SYT17: variants seen among roughly 807,000 people sequenced by gnomAD.
The protein encoded by SYT17 is synaptotagmin-17.
In SYT17, 22 loss-of-function variants were observed where a neutral mutation model predicts 46.7. The observed-to-expected ratio is 0.47, with a 90% CI of 0.34 to 0.67. SYT17 has a LOEUF of 0.67. Among genes scored for constraint, SYT17 ranks in the 30% least tolerant of loss-of-function variants. The probability of loss-of-function intolerance (pLI) is 0.01; values close to 1 mark genes in which losing one functional copy is unlikely to be tolerated. For missense variants in SYT17, 519 were observed against 612.8 expected, an observed-to-expected ratio of 0.85 and a Z score of 1.62; for synonymous variants, 251 against 248.4, an observed-to-expected ratio of 1.01 and a Z score of -0.10.
chr16:19,229,085 C>T (rs1966593349), intron 7 of SYT17, among the ~76,000 whole-genome samples: 1 of 152,196 alleles, frequency 6.6e-6, no homozygotes, highest in African/African-American at 2.4e-5. Flanking sequence ...TAGCAACACA[C>T]AGCCCAGAGG....
intron 7 of SYT17, among the ~76,000 whole-genome samples, chr16:19,241,940 C>T (rs1470699322): frequency 2.6e-5 from 4 of 152,292 alleles, no homozygotes; most frequent in Non-Finnish European, 4.4e-5. Context: ...GTGGCTGCTC[C>T]GGATGGCCCT....
chr16:19,215,426 T>A (rs141792317), intron 5 of SYT17, among the ~76,000 whole-genome samples: 7 of 152,322 alleles, frequency 4.6e-5, no homozygotes, highest in Non-Finnish European at 8.8e-5. Context: ...GGCTGCTTTA[T>A]TTTATTTACT....
chr16:19,203,216 C>G (rs1046224585), intron 5 of SYT17, among the ~76,000 whole-genome samples: 5 of 151,980 alleles, frequency 3.3e-5, no homozygotes, highest in Admixed American at 6.6e-5. Context: ...CTTGGCCAGG[C>G]GCAGTGGCTC....
intron 5 of SYT17, among the ~76,000 whole-genome samples, chr16:19,186,377 G>A (rs1386218606): frequency 1.3e-5 from 2 of 151,954 alleles, no homozygotes; most frequent in African/African-American, 4.8e-5. Flanking sequence ...CCAGCTACTC[G>A]GGAGGCTGAG....
intron 7 of SYT17, among the ~76,000 whole-genome samples, chr16:19,245,104 C>T (rs9928166): frequency 0.044 from 6,677 of 152,228 alleles, 538 homozygotes; most frequent in African/African-American, 0.15. Flanking sequence ...GAATCTCATG[C>T]CACCAAATTC....
intron 7 of SYT17, among the ~76,000 whole-genome samples, chr16:19,241,040 C>T (rs1463895936): frequency 4.7e-5 from 7 of 149,596 alleles, no homozygotes; most frequent in South Asian, 4.3e-4. Context: ...CTCCGCCTCC[C>T]GGGTTCACGC....
chr16:19,265,113 C>T (rs906781850), intron 7 of SYT17, among the ~76,000 whole-genome samples: 4 of 152,166 alleles, frequency 2.6e-5, no homozygotes, highest in African/African-American at 9.7e-5. Flanking sequence ...AACTTGTCCT[C>T]ATTTGGTGAG....
intron 7 of SYT17, among the ~76,000 whole-genome samples, chr16:19,255,309 T>G (rs1968480140): frequency 1.3e-5 from 2 of 152,130 alleles, no homozygotes; most frequent in African/African-American, 4.8e-5. Context: ...CCTCCACACT[T>G]ACACTGATAT....
chr16:19,191,034 C>T (rs999421152), intron 5 of SYT17, among the ~76,000 whole-genome samples: 1 of 151,894 alleles, frequency 6.6e-6, no homozygotes, highest in African/African-American at 2.4e-5. Context: ...GAAGGAAGAA[C>T]AAGGGCAGTG....
chr16:19,265,001 A>C (rs971912537), intron 7 of SYT17, among the ~76,000 whole-genome samples: 11 of 152,180 alleles, frequency 7.2e-5, no homozygotes. Flanking sequence ...AGAAGAAGAT[A>C]GAACATTTTG....
chr16:19,202,171 T>A (rs1176710419), intron 5 of SYT17, among the ~76,000 whole-genome samples: 2 of 152,032 alleles, frequency 1.3e-5, no homozygotes, highest in Non-Finnish European at 2.9e-5. Context: ...CTCAGTCCCA[T>A]AAGATTGCCC....
chr16:19,213,454 C>T (rs1258145961), intron 5 of SYT17, among the ~76,000 whole-genome samples: 3 of 152,012 alleles, frequency 2.0e-5, no homozygotes, highest in African/African-American at 4.8e-5. Flanking sequence ...TAGATAAGGA[C>T]CAGTGGAAGA....
At chr16:19,168,025 G>C (rs1345604705), upstream of SYT17, 2 of 152,348 alleles carry the variant, frequency 1.3e-5, no homozygotes, top group Non-Finnish European at 2.9e-5. The surrounding 1 kb of genome is among the most constrained non-coding windows in gnomAD (Gnocchi z 6.9). Context: ...CGGGAATAAA[G>C]TTTTTCCAAC....
At chr16:19,204,580 C>T (rs1411128313) in intron 5 of SYT17, among the ~76,000 whole-genome samples, 1 of 151,962 alleles carries the variant, frequency 6.6e-6, no homozygotes, top group Non-Finnish European at 1.5e-5. Context: ...AGGATGAGCA[C>T]CCCTGAGGAG....
chr16:19,233,422 C>T (rs185842521), intron 7 of SYT17, among the ~76,000 whole-genome samples: 150 of 151,516 alleles, frequency 9.9e-4, no homozygotes, highest in Non-Finnish European at 1.5e-3. Flanking sequence ...GAGGCCGAGG[C>T]AGGAGAATCA....
intron 3 of SYT17, among the ~76,000 whole-genome samples, chr16:19,175,645 CAAAAAAAAAA>C (rs34788366): frequency 7.8e-4 from 53 of 67,790 alleles, no homozygotes; most frequent in Admixed American, 6.8e-3. Flanking sequence ...AGCAAGACTT[CAAAAAAAAAA>C]AAAAAAAAAA....
chr16:19,245,955 G>T (rs868138274), intron 7 of SYT17, among the ~76,000 whole-genome samples: 1 of 152,002 alleles, frequency 6.6e-6, no homozygotes, highest in African/African-American at 2.4e-5. Flanking sequence ...ATATGCATAT[G>T]CATGTATGCA....
At chr16:19,218,607 G>C (rs560830898) in intron 5 of SYT17, among the ~76,000 whole-genome samples, 8 of 152,334 alleles carry the variant, frequency 5.3e-5, no homozygotes, top group African/African-American at 1.9e-4. Context: ...AATGGCCCCA[G>C]GGGAGGGAAG....
At chr16:19,194,707 G>A (rs1367410539) in intron 5 of SYT17, among the ~76,000 whole-genome samples, 2 of 152,106 alleles carry the variant, frequency 1.3e-5, no homozygotes, top group Non-Finnish European at 1.5e-5. Flanking sequence ...TGATCCTCCC[G>A]CCTCAGCCTT....
Sources: gnomAD v4.1 joint callset for allele counts (sites outside exome capture counted in the v4.1 genomes callset) on GRCh38, gnomAD v4.1.1 for gene constraint, Gnocchi (gnomAD v3.1) non-coding constraint, MANE v1.5 for transcripts, NCBI Gene and HGNC (gene_info 2026-07-23, HGNC 2026-07-21) for gene names.